Variants in FBXW7 observed in about 807,000 individuals in gnomAD.
FBXW7 encodes the protein F-box and WD repeat domain containing 7, also known as F-box/WD repeat-containing protein 7.
In FBXW7, 11 loss-of-function variants were observed where a neutral mutation model predicts 86.3. The observed-to-expected ratio is 0.13, with a 90% CI of 0.08 to 0.21. The LOEUF is 0.21. FBXW7 is among the 10% of genes least tolerant of loss of function. FBXW7 has a pLI of 1.00. For synonymous variants in FBXW7, 313 were observed against 297.9 expected, an observed-to-expected ratio of 1.05 and a Z score of -0.52; for missense variants, 488 against 847.4, an observed-to-expected ratio of 0.58 and a Z score of 5.27.
chr4:152,473,041 C>T (rs1285994458), intron 2 of FBXW7, among the ~76,000 whole-genome samples: 1 of 152,076 alleles, frequency 6.6e-6, no homozygotes, highest in East Asian at 1.9e-4. Flanking sequence ...CTTGCTAATG[C>T]CCAGCCTGGC....
chr4:152,364,520 T>C (rs1031253059), intron 4 of FBXW7, among the ~76,000 whole-genome samples: 4 of 152,182 alleles, frequency 2.6e-5, no homozygotes, highest in Admixed American at 2.6e-4. Flanking sequence ...CAAACCCAAA[T>C]ACACTTAATA....
chr4:152,440,933 G>GT (rs1740836461), intron 2 of FBXW7, among the ~76,000 whole-genome samples: 8 of 149,706 alleles, frequency 5.3e-5, no homozygotes, highest in African/African-American at 1.7e-4. Context: ...AAGTTTATAC[G>GT]GTTTTTTTTT....
chr4:152,351,642 G>C (rs954729982), intron 4 of FBXW7, among the ~76,000 whole-genome samples: 3 of 152,048 alleles, frequency 2.0e-5, no homozygotes, highest in African/African-American at 7.2e-5. Flanking sequence ...CCATCAGGAA[G>C]GTCAGTCAGT....
chr4:152,340,656 C>A (rs1730646773), intron 6 of FBXW7, among the ~76,000 whole-genome samples: 1 of 149,444 alleles, frequency 6.7e-6, no homozygotes, highest in African/African-American at 2.5e-5. Flanking sequence ...CCACTGACTA[C>A]ACATATTCAA....
intron 2 of FBXW7, among the ~76,000 whole-genome samples, chr4:152,527,259 A>T (rs1218364201): frequency 6.6e-6 from 1 of 152,244 alleles, no homozygotes; most frequent in Non-Finnish European, 1.5e-5. Flanking sequence ...TGAATTACTG[A>T]ATGCATATTA....
chr4:152,453,312 C>A (rs182702809), intron 2 of FBXW7, among the ~76,000 whole-genome samples: 1 of 152,146 alleles, frequency 6.6e-6, no homozygotes, highest in Non-Finnish European at 1.5e-5. Context: ...CCACATTTTC[C>A]CCTGTAAATC....
At chr4:152,510,292 G>C (rs1747838149) in intron 2 of FBXW7, among the ~76,000 whole-genome samples, 1 of 152,136 alleles carries the variant, frequency 6.6e-6, no homozygotes, top group South Asian at 2.1e-4. Flanking sequence ...CAGTATATCT[G>C]TACTACTAAA....
rs547054217 is a variant in FBXW7, at chr4:152,454,329, T to C, written c.-119-41800A>G. 3.5e-4 allele frequency among the ~76,000 whole-genome samples: 51 copies of C among 146,692 alleles called. No homozygotes were observed. The South Asian group carries it at 0.01, about 30-fold the overall frequency. On this transcript the variant is annotated intron_variant, in intron 2 of 13. Coordinates refer to ENST00000281708, the MANE Select transcript of FBXW7 (RefSeq NM_001349798.2). ...TTAGGTGTCTCATATTCTGAAATTG[T>C]CTGTGCTTCTTCACTGTGTCACTTA...
At chr4:152,390,723 CAAT>C (rs1735928705) in intron 4 of FBXW7, among the ~76,000 whole-genome samples, 3 of 151,768 alleles carry the variant, frequency 2.0e-5, no homozygotes, top group Admixed American at 6.6e-5. Context: ...CATTACTTAC[CAAT>C]AATATCTTTC....
intron 9 of FBXW7, 68 bp from the exon 10 acceptor site, chr4:152,329,853 G>T: frequency 1.3e-6 from 1 of 796,762 alleles, no homozygotes; most frequent in South Asian, 2.5e-5. Flanking sequence ...CTGGTGAAGA[G>T]AAAAATGAAG....
At chr4:152,398,783 G>C (rs1736655096) in intron 4 of FBXW7, among the ~76,000 whole-genome samples, 1 of 151,878 alleles carries the variant, frequency 6.6e-6, no homozygotes, top group Admixed American at 6.6e-5. Flanking sequence ...TCAGAAGAGA[G>C]GCCAAAGATA....
At chr4:152,472,709 GT>G (rs1744068322) in intron 2 of FBXW7, among the ~76,000 whole-genome samples, 1 of 152,090 alleles carries the variant, frequency 6.6e-6, no homozygotes, top group Non-Finnish European at 1.5e-5. Context: ...GGTTACAAAA[GT>G]GTGTTCATTT....
At chr4:152,383,795 C>A (rs755443124) in intron 4 of FBXW7, among the ~76,000 whole-genome samples, 5 of 152,132 alleles carry the variant, frequency 3.3e-5, no homozygotes, top group Non-Finnish European at 7.4e-5. Flanking sequence ...TAGTCCCATT[C>A]CTATTAGTAG....
intron 2 of FBXW7, among the ~76,000 whole-genome samples, chr4:152,505,561 T>C (rs905433952): frequency 2.0e-5 from 3 of 151,976 alleles, no homozygotes; most frequent in South Asian, 2.1e-4. Context: ...AAGACACAAA[T>C]ATACACAATA....
chr4:152,367,392 T>C (rs1317330435), intron 4 of FBXW7, among the ~76,000 whole-genome samples: 1 of 152,104 alleles, frequency 6.6e-6, no homozygotes, highest in Non-Finnish European at 1.5e-5. Context: ...ACTACATATG[T>C]TACACAAAAT....
At chr4:152,385,992 T>TA (rs1210473061) in intron 4 of FBXW7, among the ~76,000 whole-genome samples, 3 of 151,908 alleles carry the variant, frequency 2.0e-5, no homozygotes, top group Admixed American at 1.3e-4. Context: ...CACGAAACAC[T>TA]AAAAAAACAA....
chr4:152,365,734 C>A (rs965168635), intron 4 of FBXW7, among the ~76,000 whole-genome samples: 1 of 152,132 alleles, frequency 6.6e-6, no homozygotes, highest in African/African-American at 2.4e-5. Flanking sequence ...CATGCTCCAA[C>A]TGGTTCTGGC....
chr4:152,329,666 A>G lies in FBXW7; in HGVS notation c.1236+6T>C, dbSNP rs529891909. On this transcript the variant is annotated splice_donor_region_variant and intron_variant, in intron 10 of 13. Transcript: ENST00000281708. ...ACTTTGTGAAGTGTAGGAAGAGTAAACTTACTTTGCCTGTGACTGCTGACC... is the reference window on the plus strand; with the variant it reads ...ACTTTGTGAAGTGTAGGAAGAGTAAGCTTACTTTGCCTGTGACTGCTGACC... The G allele has an allele frequency of 6.6e-7, 1 of 1,518,482 alleles. No homozygotes were observed. The highest frequency in any genetic ancestry group is 8.9e-7 in the Non-Finnish European group (1 of 1,124,230). 94.1% of individuals were successfully genotyped at this position (1,518,482 alleles called of 1,614,324 possible). A position where few individuals can be genotyped will look rare whatever the true frequency, so the allele number is the denominator to read the frequency against.
intron 2 of FBXW7, among the ~76,000 whole-genome samples, chr4:152,463,086 A>C (rs896662781): frequency 6.6e-6 from 1 of 151,880 alleles, no homozygotes; most frequent in Non-Finnish European, 1.5e-5. Flanking sequence ...CCAGGAGTTC[A>C]AGACCAGCCT....
Sources: allele counts gnomAD v4.1 joint callset (sites outside exome capture counted in the v4.1 genomes callset), GRCh38; gene constraint gnomAD v4.1.1; transcripts MANE v1.5; gene names NCBI Gene and HGNC (gene_info 2026-07-23, HGNC 2026-07-21).